ZSWIM5: variants seen among roughly 807,000 people sequenced by gnomAD.
ZSWIM5 encodes zinc finger SWIM domain-containing protein 5.
In ZSWIM5, 55 loss-of-function variants were observed where a neutral mutation model predicts 119.6. The ratio of observed to expected loss-of-function variants is 0.46; its 90% CI spans 0.37 to 0.58. The LOEUF is 0.58. ZSWIM5 is among the 20% of genes least tolerant of loss of function. ZSWIM5 has a pLI of 0.00. For synonymous variants in ZSWIM5, 537 were observed against 606.9 expected, an observed-to-expected ratio of 0.88 and a Z score of 1.69; for missense variants, 1,193 against 1,512.8, an observed-to-expected ratio of 0.79 and a Z score of 3.51.
chr1:45,043,991 C>T (rs1645032058), intron 5 of ZSWIM5, among the ~76,000 whole-genome samples: 1 of 151,914 alleles, frequency 6.6e-6, no homozygotes, highest in South Asian at 2.1e-4. Context: ...CAAGACCAGC[C>T]TGGGCAACAT....
At chr1:45,071,454 C>CT (rs58028758) in intron 2 of ZSWIM5, among the ~76,000 whole-genome samples, 1,102 of 93,716 alleles carry the variant, frequency 0.012, 42 homozygotes, top group African/African-American at 0.044. Context: ...GACAGAATCT[C>CT]TTTTTTTTTT....
intron 5 of ZSWIM5, among the ~76,000 whole-genome samples, chr1:45,044,723 C>CAAAAA (rs869224710): frequency 2.3e-4 from 1 of 4,398 alleles, no homozygotes; most frequent in African/African-American, 1.3e-3. Context: ...GACTCCGTCT[C>CAAAAA]AAAAAAAAAA....
chr1:45,148,645 C>G (rs1253346801), intron 1 of ZSWIM5, among the ~76,000 whole-genome samples: 1 of 152,156 alleles, frequency 6.6e-6, no homozygotes, highest in Non-Finnish European at 1.5e-5. Flanking sequence ...TGGGCTATTT[C>G]TTTTAATGTA....
intron 1 of ZSWIM5, among the ~76,000 whole-genome samples, chr1:45,199,255 C>T (rs571444821): frequency 1.3e-5 from 2 of 151,622 alleles, no homozygotes; most frequent in Non-Finnish European, 2.9e-5. Flanking sequence ...GCAAGAAAAC[C>T]ACTAGGCAGA....
chr1:45,162,334 A>T (rs1345893028), intron 1 of ZSWIM5, among the ~76,000 whole-genome samples: 1 of 152,240 alleles, frequency 6.6e-6, no homozygotes, highest in Non-Finnish European at 1.5e-5. Context: ...TCTACTAAAA[A>T]TACAAAAATT....
intron 1 of ZSWIM5, among the ~76,000 whole-genome samples, chr1:45,159,404 T>C (rs889541874): frequency 7.9e-5 from 12 of 152,330 alleles, no homozygotes; most frequent in African/African-American, 2.4e-4. Flanking sequence ...TATGTCACTA[T>C]AATGAGGATT....
rs1406362688 is a variant in ZSWIM5, at chr1:45,058,655, T to C, written c.1206A>G (p.Gln402=). The change falls in exon 4 of 14, where the codon CAA becomes CAG. Residue 402 remains glutamine, a synonymous_variant. Coordinates refer to ENST00000359600, the MANE Select transcript of ZSWIM5 (RefSeq NM_020883.2). ...TGCACTTGTCTGTCATGTTTGTTCC[T>C]TGCTGCCTCCAGAGTGTGAGTCGTG... ...ADPRLTLWRQ[Q]GTNMTDKCRQ... The C allele has an allele frequency of 6.2e-7, 1 of 1,614,248 alleles. No individual in the cohort carries two copies. The highest frequency in any genetic ancestry group is 1.1e-5 in the South Asian group (1 of 91,084).
intron 1 of ZSWIM5, among the ~76,000 whole-genome samples, chr1:45,095,897 A>C (rs993557415): frequency 2.0e-5 from 3 of 152,320 alleles, no homozygotes; most frequent in Admixed American, 6.5e-5. Flanking sequence ...AAGAAAAAAA[A>C]CACATAAAGT....
intron 1 of ZSWIM5, among the ~76,000 whole-genome samples, chr1:45,193,938 G>GTGTGTATATA (rs766920512): frequency 1.4e-5 from 2 of 146,208 alleles, no homozygotes; most frequent in African/African-American, 5.1e-5. Flanking sequence ...GTGCATATGT[G>GTGTGTATATA]TATATATATA....
intron 2 of ZSWIM5, among the ~76,000 whole-genome samples, chr1:45,083,755 A>C (rs1645308526): frequency 6.6e-6 from 1 of 152,220 alleles, no homozygotes; most frequent in South Asian, 2.1e-4. Context: ...TAATTTATAA[A>C]GAAAAGTTTA....
intron 8 of ZSWIM5, among the ~76,000 whole-genome samples, chr1:45,036,716 A>G (rs2148992052): frequency 6.6e-6 from 1 of 152,290 alleles, no homozygotes; most frequent in East Asian, 1.9e-4. Context: ...ATCATAGGGA[A>G]GCTGAATCAG....
chr1:45,037,013 C>T (rs1027497578), intron 8 of ZSWIM5, among the ~76,000 whole-genome samples: 4 of 151,308 alleles, frequency 2.6e-5, no homozygotes, highest in Admixed American at 6.6e-5. Context: ...GTTGCCCAGG[C>T]TGGTCTCAAA....
In ZSWIM5 at chr1:45,157,464, C is replaced by G. The variant is rs192512938; in HGVS notation, c.595+48292G>C. Among the ~76,000 whole-genome samples, 4 of 152,182 alleles carry G rather than the reference C, an allele frequency of 2.6e-5. No homozygotes were observed. The East Asian group carries it at 5.8e-4, about 22-fold the overall frequency. ...TGCTGGGATTATAGGCATGAGCCAC[C>G]ATGCCTGGCCAACGAATTATTTTTG... is the stretch of plus-strand genomic sequence containing the variant. On this transcript the variant is annotated intron_variant, in intron 1 of 13. Transcript: ENST00000359600.
At chr1:45,020,496 G>T (rs1323134016) in intron 12 of ZSWIM5, 129 bp downstream of exon 12, 3 of 1,142,134 alleles carry the variant, frequency 2.6e-6, no homozygotes, top group Non-Finnish European at 3.8e-6. Flanking sequence ...CCCTAGCCTA[G>T]AACTTGTGTT....
chr1:45,072,802 C>T lies in ZSWIM5; in HGVS notation c.953-12555G>A, dbSNP rs2149005383. 6.6e-6 allele frequency among the ~76,000 whole-genome samples: 1 copy of T among 152,088 alleles called. No homozygotes were observed. Among genetic ancestry groups the T allele is most frequent in the Non-Finnish European group, 1.5e-5 (1 of 68,026 alleles). On this transcript the variant is annotated intron_variant, in intron 2 of 13. Transcript: ENST00000359600. The surrounding 1 kb of genome is among the most constrained non-coding windows in gnomAD (Gnocchi z 4.1). ...TCTGTGTGTCTATTTTATGACAGTACCATGCTATTTTGGTTACTATAGCTC... is the reference window on the plus strand; with the variant it reads ...TCTGTGTGTCTATTTTATGACAGTATCATGCTATTTTGGTTACTATAGCTC...
chr1:45,161,961 C>G (rs377309121), intron 1 of ZSWIM5, among the ~76,000 whole-genome samples: 2 of 152,206 alleles, frequency 1.3e-5, no homozygotes, highest in East Asian at 3.8e-4. Flanking sequence ...CCACTTCCAG[C>G]TCTAATGCCA....
intron 1 of ZSWIM5, among the ~76,000 whole-genome samples, chr1:45,196,044 T>G (rs1209557110): frequency 2.7e-5 from 4 of 145,500 alleles, no homozygotes; most frequent in South Asian, 4.3e-4. Context: ...GTTTTTTTTT[T>G]TTTTTTTTTT....
chr1:45,124,634 G>C (rs942523871), intron 1 of ZSWIM5, among the ~76,000 whole-genome samples: 5 of 151,974 alleles, frequency 3.3e-5, no homozygotes, highest in Admixed American at 1.3e-4. Context: ...AAATGAAAAT[G>C]GTCTAAATAT....
At chr1:45,089,945 C>G (rs1645354721) in intron 1 of ZSWIM5, among the ~76,000 whole-genome samples, 1 of 152,164 alleles carries the variant, frequency 6.6e-6, no homozygotes, top group Non-Finnish European at 1.5e-5. Flanking sequence ...ATTTCACAGA[C>G]TTTCCTGTTT....
Sources: allele counts gnomAD v4.1 joint callset (sites outside exome capture counted in the v4.1 genomes callset), GRCh38; gene constraint gnomAD v4.1.1; non-coding constraint Gnocchi (gnomAD v3.1); transcripts MANE v1.5; gene names NCBI Gene and HGNC (gene_info 2026-07-23, HGNC 2026-07-21).